The following DMTN variants were observed in gnomAD, a reference collection of about 807,000 sequenced individuals.
DMTN encodes dematin actin binding protein, also known as dematin.
Under a neutral mutation model 59.4 loss-of-function variants are expected in DMTN, and 27 were observed. The observed-to-expected ratio is 0.45, with a 90% CI of 0.33 to 0.63. The LOEUF (loss-of-function observed/expected upper bound fraction) is 0.63, where lower values mean the gene tolerates loss of function less well. Ranked by LOEUF, DMTN falls within the 20% of genes least tolerant of loss-of-function variation. The pLI, the probability that DMTN is intolerant of heterozygous loss-of-function variation, is 0.02. For synonymous variants in DMTN, 221 were observed against 203.7 expected (o/e 1.08, Z -0.72); for missense variants, 451 against 528.9 (o/e 0.85, Z 1.45).
At chr8:22,079,302 T>TATATATATATATATAAATA (rs1491109949) in intron 10 of DMTN, among the ~76,000 whole-genome samples, 2 of 15,528 alleles carry the variant, frequency 1.3e-4, no homozygotes, top group African/African-American at 2.5e-4. Context: ...ATATATATAT[T>TATATATATATATATAAATA]AGCTGGGTTT....
At chr8:22,067,818 C>A in intron 4 of DMTN, 136 bp downstream of exon 4, 3 of 1,049,064 alleles carry the variant, frequency 2.9e-6, no homozygotes, top group Non-Finnish European at 4.1e-6. Context: ...GCGCAGGAAC[C>A]AACCAGTCAG....
At chr8:22,053,275 T>G (rs1183559178), upstream of DMTN, among the ~76,000 whole-genome samples, 1 of 152,124 alleles carries the variant, frequency 6.6e-6, no homozygotes, top group African/African-American at 2.4e-5. Flanking sequence ...GGGGGCCAGA[T>G]GCAGTGGTCT....
Position 22,060,231 on chromosome 8 carries a change from A to G in DMTN, c.-172+3095A>G, listed in dbSNP as rs1346710154. ...GAGGTCGCTGGGACCTTGGGGATGC[A>G]GGCACAGACAGGCGGGGTGCATGGA... is the stretch of plus-strand genomic sequence containing the variant. On this transcript the variant is annotated intron_variant, in intron 1 of 15. Transcript: ENST00000358242. The surrounding 1 kb of genome is among the most constrained non-coding windows in gnomAD (Gnocchi z 5.0). Among the ~76,000 whole-genome samples, 2 of 152,094 alleles carry G rather than the reference A, an allele frequency of 1.3e-5. No individual in the cohort carries two copies. Among genetic ancestry groups the G allele is most frequent in the African/African-American group, 4.8e-5 (2 of 41,408 alleles).
chr8:22,080,908 G>A, intron 14 of DMTN, 38 bp downstream of exon 14: 1 of 1,531,666 alleles, frequency 6.5e-7, no homozygotes, highest in Non-Finnish European at 8.8e-7. Context: ...TAGCGGGGCG[G>A]GAGGCTGGGG....
chr8:22,057,673 C>T (rs985763027), intron 1 of DMTN, among the ~76,000 whole-genome samples: 2 of 152,104 alleles, frequency 1.3e-5, no homozygotes, highest in Non-Finnish European at 2.9e-5. Context: ...TGTGGCAGGG[C>T]GCAGCTGCAA....
upstream of DMTN, among the ~76,000 whole-genome samples, chr8:22,054,481 C>T (rs988161936): frequency 5.9e-5 from 9 of 152,242 alleles, no homozygotes; most frequent in Non-Finnish European, 1.2e-4. Flanking sequence ...GTGCAGCCAG[C>T]GCCCAGGGGC....
chr8:22,069,392 C>T (rs769796263), intron 5 of DMTN, 27 bp from the exon 6 acceptor site: 3 of 1,597,998 alleles, frequency 1.9e-6, no homozygotes, highest in East Asian at 4.5e-5. Context: ...GTTAGGGGCC[C>T]TGGAGCCACA....
upstream of DMTN, among the ~76,000 whole-genome samples, chr8:22,051,975 A>G (rs141221175): frequency 9.8e-5 from 15 of 152,310 alleles, no homozygotes; most frequent in African/African-American, 3.6e-4. Flanking sequence ...CTCCCCTTTA[A>G]GAATACTGGA....
chr8:22,067,792 C>A, intron 4 of DMTN, 110 bp downstream of exon 4: 2 of 1,328,136 alleles, frequency 1.5e-6, no homozygotes, highest in Non-Finnish European at 2.1e-6. Flanking sequence ...CTCGGCAAAA[C>A]AAGAGAGGGA....
At chr8:22,049,078 G>A (rs1801051814), upstream of DMTN, 1 of 149,906 alleles carries the variant, frequency 6.7e-6, no homozygotes, top group African/African-American at 2.4e-5. Context: ...AGGGGCCGGG[G>A]CCGGGGCCGG....
At chr8:22,067,448 G>C in intron 3 of DMTN, 79 bp from the exon 4 acceptor site, 1 of 1,563,514 alleles carries the variant, frequency 6.4e-7, no homozygotes, top group South Asian at 1.2e-5. Context: ...CTTGGTAATT[G>C]ACGTAAGTCT....
In DMTN at chr8:22,070,157, G is replaced by A. The variant is rs765014831; in HGVS notation, c.452-25G>A. 3.2e-6 allele frequency: 5 copies of A among 1,565,228 alleles called. No individual in the cohort carries two copies. In the East Asian group the frequency reaches 9.0e-5, roughly 28 times the overall value. On this transcript the variant is annotated intron_variant, in intron 7 of 15. Coordinates refer to ENST00000358242, the MANE Select transcript of DMTN (RefSeq NM_001387751.1). Reference sequence around the variant, plus strand: ...AGTTGGCCTCGGGCAGGGCACACCTGGCTGACCCTGGCCTTTGTCTGCAGA... The same window carrying A: ...AGTTGGCCTCGGGCAGGGCACACCTAGCTGACCCTGGCCTTTGTCTGCAGA...
At chr8:22,072,770 C>T (rs1816736484) in intron 9 of DMTN, among the ~76,000 whole-genome samples, 1 of 152,014 alleles carries the variant, frequency 6.6e-6, no homozygotes, top group Admixed American at 6.6e-5. Context: ...CCACTATGCC[C>T]AGCCCACCCT....
At chr8:22,067,400 T>C (rs1811634689) in intron 3 of DMTN, 127 bp from the exon 4 acceptor site, 6 of 1,380,562 alleles carry the variant, frequency 4.3e-6, no homozygotes, top group Admixed American at 2.4e-5. Context: ...TTTCTTAAAA[T>C]AATAGAATTG....
chr8:22,058,869 G>A lies in DMTN; in HGVS notation c.-172+1733G>A, dbSNP rs1443208044. On this transcript the variant is annotated intron_variant, in intron 1 of 15. Transcript: ENST00000358242. The surrounding 1 kb of genome is among the most constrained non-coding windows in gnomAD (Gnocchi z 4.3). ...CGCCTAAGTAAGGGACACCTCTGAT[G>A]AGCCACTGGCCCAGAGCAGGCCTCA... Among the ~76,000 whole-genome samples, 1 of 152,208 alleles carries A rather than the reference G, an allele frequency of 6.6e-6. No individual in the cohort carries two copies. Among genetic ancestry groups the A allele is most frequent in the East Asian group, 1.9e-4 (1 of 5,178 alleles).
In DMTN at chr8:22,081,094, C is replaced by CGGGGGGGG; in HGVS notation, c.1024-19_1024-18insGGGGGGGG. The stretch of plus-strand genomic sequence containing the variant: ...AGGATATTCTGTGAGCCTAAGATTG[C>CGGGGGGGG]CCCTCCCCCCACCCCCAGATCTATC... On this transcript the variant is annotated intron_variant, in intron 14 of 15. Coordinates refer to ENST00000358242, the MANE Select transcript of DMTN (RefSeq NM_001387751.1). 2 of 599,796 alleles carry CGGGGGGGG rather than the reference C, an allele frequency of 3.3e-6. No individual in the cohort carries two copies. Among genetic ancestry groups the CGGGGGGGG allele is most frequent in the East Asian group, 4.8e-5 (1 of 20,808 alleles). 37.2% of individuals were successfully genotyped at this position (599,796 alleles called of 1,614,324 possible).
rs1220024098 is a variant in DMTN at position 22,081,408 on chromosome 8, G to A, written c.1163G>A (p.Gly388Asp). Residue 388 changes from glycine to aspartate, a missense_variant, in exon 16 of 16, where the codon GGC becomes GAC. Gly to Asp is a moderately conservative substitution (Grantham distance 94). Transcript: ENST00000358242. ...TTTGCCATGTCCCCTGAAGAGTTTG[G>A]CAAGCTGGCTCTGTGGAAGCGGAAT... ...RVFAMSPEEF[G>D]KLALWKRNEL... 1.2e-6 allele frequency: 2 copies of A among 1,614,148 alleles called. No homozygotes were observed. The highest frequency in any genetic ancestry group is 1.7e-6 in the Non-Finnish European group (2 of 1,180,008).
intron 1 of DMTN, among the ~76,000 whole-genome samples, chr8:22,064,681 G>GA (rs1563426329): frequency 1.3e-5 from 2 of 152,180 alleles, no homozygotes; most frequent in African/African-American, 2.4e-5. Context: ...GATGGTCTCA[G>GA]TCTCCTGACC....
At chr8:22,059,173 G>C (rs1486987687) in intron 1 of DMTN, 1 of 152,270 alleles carries the variant, frequency 6.6e-6, no homozygotes, top group Non-Finnish European at 1.5e-5. Context: ...GAGGGAGGGA[G>C]GGAGAAAAGA....
Sources: gnomAD v4.1 joint callset for allele counts (sites outside exome capture counted in the v4.1 genomes callset) on GRCh38, gnomAD v4.1.1 for gene constraint, Gnocchi (gnomAD v3.1) non-coding constraint, MANE v1.5 for transcripts, NCBI Gene and HGNC (gene_info 2026-07-23, HGNC 2026-07-21) for gene names.